Variants in ZNF555 observed in about 807,000 individuals in gnomAD.
ZNF555 encodes zinc finger protein 555.
A neutral mutation model predicts 14.0 loss-of-function variants in ZNF555; 10 were observed. The observed-to-expected ratio is 0.72, with a 90% confidence interval of 0.44 to 1.21. ZNF555 has a LOEUF of 1.21. ZNF555 is among the 50% of genes most tolerant of loss of function. The pLI is 0.00. For missense variants in ZNF555, 747 were observed against 762.0 expected (o/e 0.98, Z 0.23); for synonymous variants, 277 against 262.4 (o/e 1.06, Z -0.54).
Position 2,850,711 on chromosome 19 carries a change from T to G in ZNF555, c.128T>G (p.Val43Gly). 1.2e-6 allele frequency: 2 copies of G among 1,613,344 alleles called. No individual in the cohort carries two copies. The highest frequency in any genetic ancestry group is 1.7e-6 in the Non-Finnish European group (2 of 1,179,498). Residue 43 changes from valine (V) to glycine (G), a missense_variant and splice_region_variant, in exon 2 of 4, where the codon GTA (valine) becomes GGA (glycine). Transcript: ENST00000334241. ...GAGACCTTTCAGAACCTGGCCTCAG[T>G]AGGTAAGGATGACATCATTCCTTCC... ...MLETFQNLAS[V>G]DDETQFKASG... is the part of the protein sequence containing the mutation.
At chr19:2,846,062 A>C (rs529546463) in intron 1 of ZNF555, among the ~76,000 whole-genome samples, 18 of 152,292 alleles carry the variant, frequency 1.2e-4, no homozygotes, top group African/African-American at 4.3e-4. Context: ...GTGACCTCCC[A>C]CTGTGGGCCT....
In ZNF555 at chr19:2,860,171, A is replaced by T. The variant is rs1459683752; in HGVS notation, c.*6219A>T. 6.6e-6 allele frequency: 1 copy of T among 152,074 alleles called. No individual in the cohort carries two copies. Among genetic ancestry groups the T allele is most frequent in the Non-Finnish European group, 1.5e-5 (1 of 68,058 alleles). The allele number at this position is 152,074 out of a possible 1,614,324, so 9.4% of individuals were successfully genotyped here. On this transcript the variant is annotated 3_prime_UTR_variant, in exon 4 of 4. Transcript: ENST00000334241. ...CTACCTCTGGGACTCTCATCTCTTG[A>T]GTGTGCTTGGGTGTGTCCAACCGTT...
At position 2,852,938 on chromosome 19, in the gene ZNF555, A is replaced by G; in HGVS notation, c.873A>G (p.Glu291=). ...EKPYKCKECA[E]AFSYSSTFRR... Reference sequence around the variant, plus strand: ...CATATAAATGTAAGGAATGTGCGGAAGCCTTTAGTTATTCCTCAACTTTTC... The same window carrying G: ...CATATAAATGTAAGGAATGTGCGGAGGCCTTTAGTTATTCCTCAACTTTTC... Residue 291 remains glutamate, a synonymous_variant, in exon 4 of 4, where the codon GAA becomes GAG. Coordinates refer to ENST00000334241, the MANE Select transcript of ZNF555 (RefSeq NM_152791.5). The G allele has an allele frequency of 6.2e-7, 1 of 1,614,232 alleles. No homozygotes were observed. The highest frequency in any genetic ancestry group is 1.3e-5 in the African/African-American group (1 of 75,058).
At chr19:2,849,025 G>C (rs1000291602) in intron 1 of ZNF555, among the ~76,000 whole-genome samples, 5 of 152,134 alleles carry the variant, frequency 3.3e-5, no homozygotes, top group Non-Finnish European at 7.3e-5. Flanking sequence ...AAAAAACACT[G>C]CAAATACACT....
intron 2 of ZNF555, among the ~76,000 whole-genome samples, chr19:2,850,962 C>G (rs1282705366): frequency 6.7e-6 from 1 of 150,334 alleles, no homozygotes; most frequent in Admixed American, 6.6e-5. Context: ...TTTGATAGGC[C>G]TAGTGAAATT....
chr19:2,854,653 T>C lies in ZNF555; in HGVS notation c.*701T>C, dbSNP rs1407660951. ...CATTAAATGGAGATGGACAGATGCATAGGGGCTTTGTGAACATCAACCTTC... is the reference window on the plus strand; with the variant it reads ...CATTAAATGGAGATGGACAGATGCACAGGGGCTTTGTGAACATCAACCTTC... On this transcript the variant is annotated 3_prime_UTR_variant, in exon 4 of 4. Transcript: ENST00000334241. The C allele has an allele frequency of 2.0e-5, 3 of 152,390 alleles. No individual in the cohort carries two copies. The highest frequency in any genetic ancestry group is 6.5e-5 in the Admixed American group (1 of 15,288). The allele number at this position is 152,390 out of a possible 1,614,324, so 9.4% of individuals were successfully genotyped here.
At position 2,852,649 on chromosome 19, in the gene ZNF555, A is replaced by G. The variant is rs774742612; in HGVS notation, c.584A>G (p.Asn195Ser). The G allele has an allele frequency of 6.8e-6, 11 of 1,614,104 alleles. No individual in the cohort carries two copies. The East Asian group carries it at 2.4e-4, about 36-fold the overall frequency. Residue 195 changes from asparagine (N) to serine (S), a missense_variant, in exon 4 of 4, where the codon AAT (asparagine) becomes AGT (serine). Coordinates refer to ENST00000334241, the MANE Select transcript of ZNF555 (RefSeq NM_152791.5). ...SHLRMHVRTH[N>S]GERPYVCKLC... is the part of the protein sequence containing the mutation. ...CTAAGAATGCATGTGAGAACCCACAATGGAGAGAGACCCTATGTGTGTAAA... is the reference window on the plus strand; with the variant it reads ...CTAAGAATGCATGTGAGAACCCACAGTGGAGAGAGACCCTATGTGTGTAAA...
In ZNF555 at chr19:2,855,674, CT is replaced by C. The variant is rs1568346301; in HGVS notation, c.*1727del. 2 of 152,164 alleles carry C rather than the reference CT, an allele frequency of 1.3e-5. No individual in the cohort carries two copies. Among genetic ancestry groups the C allele is most frequent in the African/African-American group, 4.8e-5 (2 of 41,440 alleles). 9.4% of individuals were successfully genotyped at this position (152,164 alleles called of 1,614,324 possible). On this transcript the variant is annotated 3_prime_UTR_variant, in exon 4 of 4. Transcript: ENST00000334241. Reference sequence around the variant, plus strand: ...AAACTGGGTGACATAGGAAAACAAACTTTTTGTTTCTCAGTTCTGGACCCAG... The same window carrying C: ...AAACTGGGTGACATAGGAAAACAAACTTTTGTTTCTCAGTTCTGGACCCAG...
Position 2,846,952 on chromosome 19 carries a change from C to T in ZNF555, c.4-3635C>T, listed in dbSNP as rs116044682. Among the ~76,000 whole-genome samples, 1,268 of 152,254 alleles carry T rather than the reference C, an allele frequency of 8.3e-3. 20 individuals are homozygous for T. The highest frequency in any genetic ancestry group is 0.029 in the African/African-American group (1,210 of 41,544). On this transcript the variant is annotated intron_variant, in intron 1 of 3. Coordinates refer to ENST00000334241, the MANE Select transcript of ZNF555 (RefSeq NM_152791.5). ...TCCACTTAGAGATTGCCTCTCTTTTCATTTGTTTCCCTTTTCCCTGAACCT... is the reference window on the plus strand; with the variant it reads ...TCCACTTAGAGATTGCCTCTCTTTTTATTTGTTTCCCTTTTCCCTGAACCT...
In ZNF555 at chr19:2,853,158, G is replaced by A; in HGVS notation, c.1093G>A (p.Glu365Lys). 6.2e-7 allele frequency: 1 copy of A among 1,614,194 alleles called. No individual in the cohort carries two copies. The highest frequency in any genetic ancestry group is 1.7e-5 in the Admixed American group (1 of 60,016). ...FRRHERIHTG[E>K]KPYECKQCGK... ...AAGACATGAAAGGATTCACACTGGA[G>A]AGAAACCCTACGAATGCAAACAGTG... The change falls in exon 4 of 4, where the codon GAG (glutamate) becomes AAG (lysine). Residue 365 changes from glutamate (E) to lysine (K), a missense_variant. Physicochemically the swap from Glu to Lys is moderately conservative, Grantham distance 56. Coordinates refer to ENST00000334241, the MANE Select transcript of ZNF555 (RefSeq NM_152791.5).
chr19:2,842,898 C>A (rs534343476), intron 1 of ZNF555, among the ~76,000 whole-genome samples: 2 of 152,156 alleles, frequency 1.3e-5, no homozygotes, highest in Non-Finnish European at 2.9e-5. Flanking sequence ...CAAAAATTAG[C>A]TGGGCGTGGT....
intron 1 of ZNF555, among the ~76,000 whole-genome samples, chr19:2,842,986 T>C (rs947077101): frequency 1.6e-4 from 24 of 150,186 alleles, no homozygotes; most frequent in African/African-American, 5.9e-4. Context: ...GAGGTTGCGG[T>C]GAGCTGAGAA....
rs573660769 is a variant in ZNF555, at chr19:2,857,490, G to A, written c.*3538G>A. The stretch of plus-strand genomic sequence containing the variant: ...TATTCCTTTTATAAGACATGGAAAA[G>A]GCAAAGATAAGGGAAACGAACAAAT... On this transcript the variant is annotated 3_prime_UTR_variant, in exon 4 of 4. Coordinates refer to ENST00000334241, the MANE Select transcript of ZNF555 (RefSeq NM_152791.5). 3.3e-5 allele frequency: 5 copies of A among 152,302 alleles called. No homozygotes were observed. Among genetic ancestry groups the A allele is most frequent in the Admixed American group, 2.0e-4 (3 of 15,282 alleles). 9.4% of individuals were successfully genotyped at this position (152,302 alleles called of 1,614,324 possible).
chr19:2,844,675 A>C (rs1001733019), intron 1 of ZNF555, among the ~76,000 whole-genome samples: 3 of 151,990 alleles, frequency 2.0e-5, no homozygotes, highest in Non-Finnish European at 4.4e-5. Flanking sequence ...ACAATAAGCA[A>C]CTCCTCTATT....
chr19:2,853,374 A>G lies in ZNF555; in HGVS notation c.1309A>G (p.Ile437Val), dbSNP rs759850796. The change falls in exon 4 of 4, where the codon ATA becomes GTA. Residue 437 changes from isoleucine to valine, a missense_variant. Physicochemically the swap from Ile to Val is conservative, Grantham distance 29. Coordinates refer to ENST00000334241, the MANE Select transcript of ZNF555 (RefSeq NM_152791.5). ...ATGTGGGAAAACTTTCAATTGGCCCATATCTTTACGAAAACATATGAGAAC... is the reference window on the plus strand; with the variant it reads ...ATGTGGGAAAACTTTCAATTGGCCCGTATCTTTACGAAAACATATGAGAAC... ...KQCGKTFNWPISLRKHMRTHT... is the reference protein window; with the variant it reads ...KQCGKTFNWPVSLRKHMRTHT... The G allele has an allele frequency of 3.7e-6, 6 of 1,613,770 alleles. No individual in the cohort carries two copies. The highest frequency in any genetic ancestry group is 1.7e-5 in the Admixed American group (1 of 59,988).
At chr19:2,847,816 C>T (rs1282902335) in intron 1 of ZNF555, among the ~76,000 whole-genome samples, 3 of 152,130 alleles carry the variant, frequency 2.0e-5, no homozygotes, top group African/African-American at 7.2e-5. Context: ...TGGGGGACCA[C>T]GTCACAAGAA....
At position 2,857,453 on chromosome 19, in the gene ZNF555, A is replaced by T. The variant is rs2087692671; in HGVS notation, c.*3501A>T. On this transcript the variant is annotated 3_prime_UTR_variant, in exon 4 of 4. Coordinates refer to ENST00000334241, the MANE Select transcript of ZNF555 (RefSeq NM_152791.5). ...GGCATCAAATTTTACAAAGACTCCT[A>T]AGGCTATATGGTATTCCTTTTATAA... 1 of 152,208 alleles carries T rather than the reference A, an allele frequency of 6.6e-6. No homozygotes were observed. The highest frequency in any genetic ancestry group is 1.5e-5 in the Non-Finnish European group (1 of 68,038). 9.4% of individuals were successfully genotyped at this position (152,208 alleles called of 1,614,324 possible). A position where few individuals can be genotyped will look rare whatever the true frequency, so the allele number is the denominator to read the frequency against.
chr19:2,850,028 T>A (rs1440058071), intron 1 of ZNF555, among the ~76,000 whole-genome samples: 1 of 152,216 alleles, frequency 6.6e-6, no homozygotes, highest in South Asian at 2.1e-4. Context: ...CAATAACTTC[T>A]AGTTTCCAAG....
chr19:2,846,605 A>C (rs1036598596), intron 1 of ZNF555, among the ~76,000 whole-genome samples: 1 of 152,230 alleles, frequency 6.6e-6, no homozygotes, highest in South Asian at 2.1e-4. Flanking sequence ...ATGAATTAGC[A>C]GTGGGCAGTG....
Sources: allele counts gnomAD v4.1 joint callset (sites outside exome capture counted in the v4.1 genomes callset), GRCh38; gene constraint gnomAD v4.1.1; transcripts MANE v1.5; gene names NCBI Gene and HGNC (gene_info 2026-07-23, HGNC 2026-07-21).